NOL7: variants seen among roughly 807,000 people sequenced by gnomAD.
The protein encoded by NOL7 is nucleolar protein 7.
In NOL7, 36 loss-of-function variants were observed where a neutral mutation model predicts 38.4. That is an observed-to-expected ratio of 0.94 (90% CI 0.72 to 1.24). The LOEUF is 1.24. NOL7 is among the 50% of genes most tolerant of loss of function. The pLI, the probability that NOL7 is intolerant of heterozygous loss-of-function variation, is 0.00. For missense variants in NOL7, 350 were observed against 315.1 expected (o/e 1.11, Z -0.84); for synonymous variants, 142 against 126.5 (o/e 1.12, Z -0.82).
intron 8 of NOL7, among the ~76,000 whole-genome samples, chr6:13,628,619 G>A (rs1764690350): frequency 6.6e-6 from 1 of 152,082 alleles, no homozygotes; most frequent in African/African-American, 2.4e-5. Context: ...AACTAACAGA[G>A]CCTTAAAAAT....
At chr6:13,620,062 GC>G in intron 5 of NOL7, 145 bp from the exon 6 acceptor site, 1 of 790,864 alleles carries the variant, frequency 1.3e-6, no homozygotes, top group Non-Finnish European at 1.9e-6. Context: ...GCTGAGGCAG[GC>G]AAGTTGCTTG....
At chr6:13,622,339 G>T, downstream of NOL7, 1 of 1,530,426 alleles carries the variant, frequency 6.5e-7, no homozygotes, top group Non-Finnish European at 8.8e-7. Flanking sequence ...CACAATATAA[G>T]TGTGAGCTCT....
intron 2 of NOL7, 87 bp downstream of exon 2, chr6:13,615,859 A>G (rs1427429333): frequency 5.6e-5 from 75 of 1,330,924 alleles, no homozygotes; most frequent in Non-Finnish European, 7.6e-5. Context: ...TTGGCAGGAT[A>G]TTGGAGTGGG....
intron 2 of NOL7, among the ~76,000 whole-genome samples, chr6:13,616,235 G>A (rs896479517): frequency 1.3e-5 from 2 of 152,138 alleles, no homozygotes; most frequent in Admixed American, 1.3e-4. Flanking sequence ...GTGACCTGAG[G>A]GTTAGAATAC....
chr6:13,626,762 G>C (rs1764617846), intron 8 of NOL7, among the ~76,000 whole-genome samples: 1 of 152,130 alleles, frequency 6.6e-6, no homozygotes, highest in Non-Finnish European at 1.5e-5. Flanking sequence ...TTCCTAAAGA[G>C]CACCATCTCC....
chr6:13,619,422 G>C (rs192599638), intron 5 of NOL7, among the ~76,000 whole-genome samples: 1 of 152,320 alleles, frequency 6.6e-6, no homozygotes, highest in East Asian at 1.9e-4. Context: ...AGTACAGCTT[G>C]GTGGTCCAAA....
intron 5 of NOL7, among the ~76,000 whole-genome samples, chr6:13,618,612 G>A (rs552375104): frequency 6.6e-6 from 1 of 152,288 alleles, no homozygotes; most frequent in East Asian, 1.9e-4. Context: ...ATTTTGGGCC[G>A]GGCATGTTTG....
chr6:13,622,328 C>A, downstream of NOL7: 1 of 1,467,528 alleles, frequency 6.8e-7, no homozygotes, highest in Non-Finnish European at 9.1e-7. Context: ...TGACTATATG[C>A]CACAATATAA....
chr6:13,626,721 CACA>C (rs960425175), intron 8 of NOL7, among the ~76,000 whole-genome samples: 70 of 152,290 alleles, frequency 4.6e-4, no homozygotes, highest in African/African-American at 1.5e-3. Flanking sequence ...AGTTCAGGAA[CACA>C]ACACTTTGAA....
chr6:13,627,445 C>T (rs1398043825), intron 8 of NOL7, among the ~76,000 whole-genome samples: 5 of 151,920 alleles, frequency 3.3e-5, no homozygotes, highest in Non-Finnish European at 7.4e-5. Context: ...ACCTAGCCAA[C>T]ATGGTGAAAC....
intron 8 of NOL7, among the ~76,000 whole-genome samples, chr6:13,629,450 G>C (rs1380252296): frequency 1.3e-5 from 2 of 152,154 alleles, no homozygotes; most frequent in African/African-American, 4.8e-5. Flanking sequence ...AGCATTATGG[G>C]TTATTTTAAA....
At chr6:13,625,143 CCT>C (rs1386297176), downstream of NOL7, among the ~76,000 whole-genome samples, 1 of 152,118 alleles carries the variant, frequency 6.6e-6, no homozygotes, top group African/African-American at 2.4e-5. Context: ...TCAAATGTAC[CCT>C]GTTCCCTTCT....
In NOL7 at chr6:13,615,580, G is replaced by T; in HGVS notation, c.222G>T (p.Ala74=). 1 of 1,575,998 alleles carries T rather than the reference G, an allele frequency of 6.3e-7. No homozygotes were observed. The highest frequency in any genetic ancestry group is 2.3e-5 in the East Asian group (1 of 43,048). ...AGCTGACTTTCGCCAGCGCCCAGGC[G>T]GAAGCGAGAGAAGAGGAGCGGCGAG... is the stretch of plus-strand genomic sequence containing the variant. ...PEELTFASAQ[A]EAREEERRVR... The change falls in exon 1 of 8, where the codon GCG becomes GCT. Residue 74 remains alanine (A), a synonymous_variant. Transcript: ENST00000451315.
chr6:13,617,945 A>T (rs111485145), intron 4 of NOL7, 113 bp from the exon 5 acceptor site: 1 of 995,636 alleles, frequency 1.0e-6, no homozygotes. Flanking sequence ...ATTTCATACA[A>T]ATAAAAACTG....
intron 8 of NOL7, among the ~76,000 whole-genome samples, chr6:13,627,544 C>CA (rs997195376): frequency 4.0e-5 from 6 of 148,334 alleles, no homozygotes; most frequent in Non-Finnish European, 8.9e-5. Flanking sequence ...GCAGGAGAAT[C>CA]ACTTGAACCC....
At chr6:13,628,557 C>CA (rs1323919046) in intron 8 of NOL7, among the ~76,000 whole-genome samples, 3 of 152,114 alleles carry the variant, frequency 2.0e-5, no homozygotes, top group East Asian at 3.9e-4. Flanking sequence ...AAGGATCACA[C>CA]AAAAACACTA....
chr6:13,623,101 A>G (rs373344420), downstream of NOL7, among the ~76,000 whole-genome samples: 19 of 152,060 alleles, frequency 1.2e-4, no homozygotes, highest in African/African-American at 4.3e-4. Context: ...ATGCCAATAA[A>G]TTTTCAGGGT....
In NOL7 at chr6:13,615,379, AGCGTCTCGCGCC is replaced by A; in HGVS notation, c.22_33del (p.Ala8_Ala11del). The A allele has an allele frequency of 6.6e-7, 1 of 1,517,612 alleles. No homozygotes were observed. The highest frequency in any genetic ancestry group is 1.3e-5 in the South Asian group (1 of 78,020). The allele number at this position is 1,517,612 out of a possible 1,614,324, so 94.0% of individuals were successfully genotyped here. On this transcript the variant is annotated inframe_deletion, in exon 1 of 8. Transcript: ENST00000451315. The stretch of plus-strand genomic sequence containing the variant: ...GGGCCATGGTGCAGCTCCGACCGCG[AGCGTCTCGCGCC>A]CCGGCGTCGGCGGAGGCGATGGTGG...
At chr6:13,616,788 A>AC (rs2127753925) in intron 3 of NOL7, among the ~76,000 whole-genome samples, 2 of 152,342 alleles carry the variant, frequency 1.3e-5, no homozygotes, top group South Asian at 2.1e-4. Context: ...CTGTCATTGT[A>AC]CTAGGGCATA....
Sources: gnomAD v4.1 joint callset for allele counts (sites outside exome capture counted in the v4.1 genomes callset) on GRCh38, gnomAD v4.1.1 for gene constraint, MANE v1.5 for transcripts, NCBI Gene and HGNC (gene_info 2026-07-23, HGNC 2026-07-21) for gene names.